Variants in AMPH observed in about 807,000 individuals in gnomAD.
AMPH encodes amphiphysin (Stiff-Mann syndrome with breast cancer 128kD autoantigen).
Under a neutral mutation model 99.1 loss-of-function variants are expected in AMPH, and 49 were observed. The observed-to-expected ratio is 0.49, with a 90% CI of 0.39 to 0.63. The LOEUF (loss-of-function observed/expected upper bound fraction) is 0.63, where lower values mean the gene tolerates loss of function less well. Ranked by LOEUF, AMPH falls within the 20% of genes least tolerant of loss-of-function variation. The pLI, the probability that AMPH is intolerant of heterozygous loss-of-function variation, is 0.00. For missense variants in AMPH, 759 were observed against 863.4 expected, an observed-to-expected ratio of 0.88 and a Z score of 1.52; for synonymous variants, 314 against 317.3, an observed-to-expected ratio of 0.99 and a Z score of 0.11.
chr7:38,477,053 T>C, intron 5 of AMPH, 84 bp from the exon 6 acceptor site: 1 of 1,192,300 alleles, frequency 8.4e-7, no homozygotes, highest in African/African-American at 1.5e-5. Context: ...AATGCTTTCC[T>C]TGGCCAGAGC....
chr7:38,444,502 G>A (rs4419725), intron 11 of AMPH, among the ~76,000 whole-genome samples: 30,035 of 152,054 alleles, frequency 0.2, 3,176 homozygotes, highest in Middle Eastern at 0.22. Flanking sequence ...AGACACACAG[G>A]GAAAATGCCA....
chr7:38,503,588 C>T, intron 3 of AMPH, 62 bp downstream of exon 3: 1 of 1,539,354 alleles, frequency 6.5e-7, no homozygotes, highest in Non-Finnish European at 9.0e-7. Flanking sequence ...AATCCTGTCA[C>T]TCATGAATTC....
At chr7:38,613,727 T>G (rs1793764572) in intron 1 of AMPH, among the ~76,000 whole-genome samples, 1 of 151,640 alleles carries the variant, frequency 6.6e-6, no homozygotes, top group Non-Finnish European at 1.5e-5. Context: ...TGACAAATTT[T>G]GTTTCACAAA....
intron 2 of AMPH, among the ~76,000 whole-genome samples, chr7:38,509,580 T>C (rs569730405): frequency 6.6e-6 from 1 of 152,328 alleles, no homozygotes; most frequent in South Asian, 2.1e-4. Flanking sequence ...CATCACAGCA[T>C]GCAGACTGGA....
Position 38,476,954 on chromosome 7 carries a change from G to A in AMPH, c.412C>T (p.Arg138Cys), listed in dbSNP as rs1348357360. ...TCATAGTCCACTAGCTTCCTGCTGC[G>A]CTTGGCGATGCGATTCTGTCAACAG... Reference protein sequence around the residue: ...FPDIKNRIAKRSRKLVDYDSA... With the variant: ...FPDIKNRIAKCSRKLVDYDSA... Residue 138 changes from arginine to cysteine, a missense_variant, in exon 6 of 21, where the codon CGC (arginine) becomes TGC (cysteine). By Grantham distance (180) the Arg-to-Cys change is radical (BLOSUM62 -3). This residue lies in a region of AMPH where 205 missense variants were observed against 287.9 expected (regional missense o/e 0.71). Coordinates refer to ENST00000356264, the MANE Select transcript of AMPH (RefSeq NM_001635.4). The A allele has an allele frequency of 1.1e-5, 18 of 1,613,488 alleles. No individual in the cohort carries two copies. Among genetic ancestry groups the A allele is most frequent in the East Asian group, 2.2e-5 (1 of 44,818 alleles).
intron 11 of AMPH, among the ~76,000 whole-genome samples, chr7:38,457,882 G>A (rs890045990): frequency 6.6e-6 from 1 of 152,116 alleles, no homozygotes; most frequent in Admixed American, 6.5e-5. Context: ...TTACTAATAT[G>A]TGAAGTTTTG....
At chr7:38,423,349 C>T (rs1785659879) in intron 15 of AMPH, among the ~76,000 whole-genome samples, 1 of 152,176 alleles carries the variant, frequency 6.6e-6, no homozygotes, top group Non-Finnish European at 1.5e-5. Flanking sequence ...GGCTTGCACC[C>T]TCCAAACAGG....
chr7:38,481,084 T>A (rs563662383), intron 5 of AMPH, among the ~76,000 whole-genome samples: 1 of 152,310 alleles, frequency 6.6e-6, no homozygotes, highest in Non-Finnish European at 1.5e-5. Flanking sequence ...AAGGATAGCT[T>A]ACCATGGTAG....
chr7:38,613,666 T>G lies in AMPH; in HGVS notation c.69+17617A>C, dbSNP rs17171418. 5.2e-3 allele frequency among the ~76,000 whole-genome samples: 796 copies of G among 152,260 alleles called. 25 individuals carry two copies. Among genetic ancestry groups the G allele is most frequent in the Admixed American group, 0.031 (469 of 15,290 alleles). The stretch of plus-strand genomic sequence containing the variant: ...AGACAGTAGGTGCAAAATTCAATTT[T>G]TACAAGTGAAAGTATATTCTTAAGT... On this transcript the variant is annotated intron_variant, in intron 1 of 20. Coordinates refer to ENST00000356264, the MANE Select transcript of AMPH (RefSeq NM_001635.4).
chr7:38,432,917 G>A (rs989157230), intron 12 of AMPH, among the ~76,000 whole-genome samples: 3 of 152,158 alleles, frequency 2.0e-5, no homozygotes, highest in African/African-American at 4.8e-5. Context: ...TATGAATCCC[G>A]GGGAGTGAGG....
At chr7:38,429,409 C>T in intron 14 of AMPH, 1 of 1,292,420 alleles carries the variant, frequency 7.7e-7, no homozygotes, top group Non-Finnish European at 1.0e-6. Flanking sequence ...GAGTCTTCTC[C>T]AAACCCACCT....
intron 1 of AMPH, among the ~76,000 whole-genome samples, chr7:38,597,153 GA>G (rs1019555991): frequency 4.0e-5 from 6 of 151,336 alleles, no homozygotes; most frequent in African/African-American, 7.3e-5. Context: ...AAAGGGCAGG[GA>G]AAAAAAACAG....
chr7:38,407,831 A>G (rs758166244), intron 17 of AMPH, among the ~76,000 whole-genome samples: 20 of 152,194 alleles, frequency 1.3e-4, no homozygotes, highest in Non-Finnish European at 2.4e-4. Flanking sequence ...CACTGAATTC[A>G]AGGCTTACTG....
intron 17 of AMPH, among the ~76,000 whole-genome samples, chr7:38,395,790 T>A (rs6953888): frequency 6.6e-6 from 1 of 152,066 alleles, no homozygotes; most frequent in Non-Finnish European, 1.5e-5. Flanking sequence ...AAAAGGACAA[T>A]GAAGAGTACC....
rs192804783 is a variant in AMPH at position 38,552,519 on chromosome 7, A to G, written c.70-17508T>C. ...GATTTTACCAAGTGCAAGCTCTATC[A>G]CCTGGAATAAGTCACCAAGGCTCTG... On this transcript the variant is annotated intron_variant, in intron 1 of 20. Coordinates refer to ENST00000356264, the MANE Select transcript of AMPH (RefSeq NM_001635.4). Among the ~76,000 whole-genome samples, 88 of 152,312 alleles carry G rather than the reference A, an allele frequency of 5.8e-4. 1 individual carries two copies. Among genetic ancestry groups the G allele is most frequent in the African/African-American group, 2.0e-3 (84 of 41,580 alleles).
chr7:38,421,385 A>T (rs1337848009), intron 16 of AMPH, among the ~76,000 whole-genome samples: 1 of 152,246 alleles, frequency 6.6e-6, no homozygotes, highest in Non-Finnish European at 1.5e-5. Context: ...AATGAACATG[A>T]AGAATGAGCT....
At chr7:38,519,391 T>C (rs963127494) in intron 2 of AMPH, among the ~76,000 whole-genome samples, 1 of 152,204 alleles carries the variant, frequency 6.6e-6, no homozygotes, top group Non-Finnish European at 1.5e-5. Flanking sequence ...AACTCATAAT[T>C]ACAAAAGAAG....
chr7:38,551,678 G>A (rs1584236240), intron 1 of AMPH, among the ~76,000 whole-genome samples: 4 of 152,270 alleles, frequency 2.6e-5, no homozygotes, highest in Admixed American at 2.6e-4. Context: ...ACGGCCCATG[G>A]ACCCAGGGAT....
chr7:38,591,273 C>CTTTTCT (rs963717819), intron 1 of AMPH, among the ~76,000 whole-genome samples: 1 of 145,224 alleles, frequency 6.9e-6, no homozygotes, highest in Non-Finnish European at 1.5e-5. Context: ...CCTTTCTTTT[C>CTTTTCT]TTTTCTTTTT....
Sources: allele counts gnomAD v4.1 joint callset (sites outside exome capture counted in the v4.1 genomes callset), GRCh38; gene constraint gnomAD v4.1.1; regional missense constraint gnomAD v4.1.1; transcripts MANE v1.5; gene names NCBI Gene and HGNC (gene_info 2026-07-23, HGNC 2026-07-21).